Variants in PACRG observed in about 807,000 individuals in gnomAD.
PACRG encodes the protein parkin coregulated, also known as parkin coregulated gene protein.
PACRG carries 29 observed loss-of-function variants against 29.7 expected under a neutral mutation model. That is an observed-to-expected ratio of 0.98 (90% CI 0.73 to 1.33). The LOEUF is 1.33. Ranked by LOEUF, PACRG falls within the 40% of genes most tolerant of loss-of-function variation. PACRG has a pLI of 0.00. For missense variants in PACRG, 279 were observed against 316.2 expected (o/e 0.88, Z 0.89); for synonymous variants, 116 against 118.7 (o/e 0.98, Z 0.15).
At chr6:163,209,578 A>G (rs945883408) in intron 4 of PACRG, among the ~76,000 whole-genome samples, 1 of 152,226 alleles carries the variant, frequency 6.6e-6, no homozygotes, top group Non-Finnish European at 1.5e-5. Flanking sequence ...AAATGAGACA[A>G]CTGCTACATA....
At chr6:163,232,673 T>C (rs1782092404) in intron 4 of PACRG, among the ~76,000 whole-genome samples, 1 of 152,026 alleles carries the variant, frequency 6.6e-6, no homozygotes, top group Non-Finnish European at 1.5e-5. Flanking sequence ...CAGGTTCCTG[T>C]GGACCAGCGA....
chr6:162,727,704 A>G (rs978494336), upstream of PACRG: 6 of 1,561,514 alleles, frequency 3.8e-6, no homozygotes, highest in African/African-American at 8.2e-5. Flanking sequence ...GGCCAGGAAC[A>G]GGCCCATGCG....
intron 2 of PACRG, among the ~76,000 whole-genome samples, chr6:163,041,478 G>T (rs1808714311): frequency 6.6e-6 from 1 of 152,100 alleles, no homozygotes; most frequent in African/African-American, 2.4e-5. Context: ...GTTTACAAGT[G>T]CAGTTTCCTC....
At chr6:162,767,402 C>G (rs73015778) in intron 1 of PACRG, among the ~76,000 whole-genome samples, 32,880 of 151,700 alleles carry the variant, frequency 0.22, 4,264 homozygotes, top group Admixed American at 0.33. Flanking sequence ...ACCCTTTTTT[C>G]TCTTAAAGTG....
intron 4 of PACRG, among the ~76,000 whole-genome samples, chr6:163,260,037 C>T (rs897878418): frequency 5.9e-5 from 9 of 152,176 alleles, no homozygotes; most frequent in African/African-American, 1.4e-4. Flanking sequence ...CCAGGACACA[C>T]GAGGGCCATC....
At chr6:162,764,970 C>T (rs192965809) in intron 1 of PACRG, among the ~76,000 whole-genome samples, 11 of 151,724 alleles carry the variant, frequency 7.3e-5, no homozygotes, top group African/African-American at 2.7e-4. Flanking sequence ...GGTCTTGAAC[C>T]CCTGACCTCG....
chr6:163,192,208 G>C (rs1342965837), intron 4 of PACRG, among the ~76,000 whole-genome samples: 1 of 152,170 alleles, frequency 6.6e-6, no homozygotes, highest in Non-Finnish European at 1.5e-5. Context: ...AAAATGAAAT[G>C]CACAGTGGAA....
At chr6:162,838,795 A>G (rs1358969026) in intron 2 of PACRG, among the ~76,000 whole-genome samples, 32 of 126,398 alleles carry the variant, frequency 2.5e-4, no homozygotes, top group Admixed American at 4.0e-4. Flanking sequence ...TCCTGTGTCC[A>G]TGTGATCTCA....
intron 2 of PACRG, among the ~76,000 whole-genome samples, chr6:162,953,910 C>T (rs923217027): frequency 1.3e-5 from 2 of 152,290 alleles, no homozygotes; most frequent in South Asian, 2.1e-4. Flanking sequence ...CTTATCAATA[C>T]TGCCTTTTAA....
chr6:163,266,644 G>C (rs576969337), intron 4 of PACRG, among the ~76,000 whole-genome samples: 15 of 152,134 alleles, frequency 9.9e-5, no homozygotes, highest in Non-Finnish European at 1.8e-4. Flanking sequence ...CTCTATGCAA[G>C]ACAAAATTCT....
At chr6:163,291,675 C>T (rs1784616107) in intron 4 of PACRG, among the ~76,000 whole-genome samples, 1 of 152,232 alleles carries the variant, frequency 6.6e-6, no homozygotes, top group South Asian at 2.1e-4. Flanking sequence ...TTGTCAAGGG[C>T]CTCTAGAGAA....
intron 1 of PACRG, among the ~76,000 whole-genome samples, chr6:162,738,951 G>A (rs1780368551): frequency 6.6e-6 from 1 of 152,106 alleles, no homozygotes; most frequent in Non-Finnish European, 1.5e-5. Context: ...GGGTCCGTTA[G>A]GTTTCTACAT....
intron 1 of PACRG, among the ~76,000 whole-genome samples, chr6:162,764,380 C>G (rs557093101): frequency 3.8e-4 from 56 of 148,326 alleles, no homozygotes; most frequent in African/African-American, 1.3e-3. Flanking sequence ...TAATTTTAAT[C>G]TTTTTAGCAT....
chr6:162,977,938 G>C (rs985196698), intron 2 of PACRG, among the ~76,000 whole-genome samples: 1 of 152,040 alleles, frequency 6.6e-6, no homozygotes, highest in African/African-American at 2.4e-5. Context: ...AAGGTCAGGA[G>C]TTCAAGACCA....
chr6:162,728,319 G>A lies in PACRG; in HGVS notation c.84G>A (p.Pro28=), dbSNP rs1469813643. The change falls in exon 1 of 5, where the codon CCG becomes CCA. Residue 28 remains proline, a synonymous_variant. Coordinates refer to ENST00000366888, the MANE Select transcript of PACRG (RefSeq NM_001080379.2). ...PKRTKLLAQQ[P]LPVHQPHSLV... is the part of the protein sequence containing the mutation. ...GGACCAAGCTGCTGGCACAACAGCC[G>A]CTCCCGGTGCACCAGCCTCACTCTC... 3.7e-6 allele frequency: 6 copies of A among 1,613,786 alleles called. No homozygotes were observed. The highest frequency in any genetic ancestry group is 2.7e-5 in the African/African-American group (2 of 74,892).
chr6:163,141,729 C>T, intron 4 of PACRG, among the ~76,000 whole-genome samples: 1 of 151,778 alleles, frequency 6.6e-6, no homozygotes, highest in Non-Finnish European at 1.5e-5. Context: ...GCAAAATCCA[C>T]CAAAATGACG....
At chr6:162,900,088 C>T (rs1049877716) in intron 2 of PACRG, among the ~76,000 whole-genome samples, 1 of 152,006 alleles carries the variant, frequency 6.6e-6, no homozygotes, top group Non-Finnish European at 1.5e-5. Context: ...AATGCTCCCT[C>T]GAGAACTGAT....
At chr6:163,051,104 G>A (rs1360592387) in intron 2 of PACRG, among the ~76,000 whole-genome samples, 4 of 152,038 alleles carry the variant, frequency 2.6e-5, no homozygotes, top group Admixed American at 6.5e-5. Flanking sequence ...CTTTTCATTT[G>A]TGGTGAATTT....
rs1411897884 is a variant in PACRG at position 162,866,552 on chromosome 6, C to T, written c.291+52271C>T. Among the ~76,000 whole-genome samples, 5 of 152,114 alleles carry T rather than the reference C, an allele frequency of 3.3e-5. No individual in the cohort carries two copies. In the East Asian group the frequency reaches 7.7e-4, roughly 23 times the overall value. ...TTAGAGTTTTCTGCACTTCAGATTT[C>T]GCCACTTCAGATATTTCATTATTCC... On this transcript the variant is annotated intron_variant, in intron 2 of 4. Transcript: ENST00000366888.
Sources: gnomAD v4.1 joint callset for allele counts (sites outside exome capture counted in the v4.1 genomes callset) on GRCh38, gnomAD v4.1.1 for gene constraint, MANE v1.5 for transcripts, NCBI Gene and HGNC (gene_info 2026-07-23, HGNC 2026-07-21) for gene names.